WNK1: variants seen among roughly 807,000 people sequenced by gnomAD.
WNK1 encodes serine/threonine-protein kinase WNK1.
WNK1 carries 38 observed loss-of-function variants against 222.8 expected under a neutral mutation model. That is an observed-to-expected ratio of 0.17 (90% CI 0.13 to 0.22). WNK1 has a LOEUF of 0.22. Ranked by LOEUF, WNK1 falls within the 10% of genes least tolerant of loss-of-function variation. The pLI, the probability that WNK1 is intolerant of heterozygous loss-of-function variation, is 1.00. For missense variants in WNK1, 2,348 were observed against 2,918.4 expected (o/e 0.80, Z 4.50); for synonymous variants, 1,090 against 1,092.9 (o/e 1.00, Z 0.05).
intron 23 of WNK1, 124 bp downstream of exon 23, chr12:894,759 T>C (rs1160943812): frequency 1.2e-6 from 1 of 827,252 alleles, no homozygotes; most frequent in Non-Finnish European, 2.0e-6. Flanking sequence ...CATAGTACTT[T>C]ATAGCTCTTT....
chr12:879,877 C>T lies in WNK1; in HGVS notation c.2678C>T (p.Pro893Leu), dbSNP rs762367651. 9 of 1,614,020 alleles carry T rather than the reference C, an allele frequency of 5.6e-6. No individual in the cohort carries two copies. In the Admixed American group the frequency reaches 6.7e-5, roughly 12 times the overall value. Residue 893 changes from proline to leucine, a missense_variant, in exon 11 of 28, where the codon CCT (proline) becomes CTT (leucine). Transcript: ENST00000315939. ...ATCCCGGGGGTATCAACTGTGGTTCCTAGTCAGCTTCCAACCCTTCTGCAG... is the reference window on the plus strand; with the variant it reads ...ATCCCGGGGGTATCAACTGTGGTTCTTAGTCAGCTTCCAACCCTTCTGCAG... ...AAIPGVSTVV[P>L]SQLPTLLQPV...
intron 9 of WNK1, chr12:877,905 G>T: frequency 5.1e-6 from 2 of 395,044 alleles, no homozygotes; most frequent in Admixed American, 7.5e-5. Flanking sequence ...GAAAGGAACT[G>T]TCTGGATATG....
rs117399790 is a variant in WNK1, at chr12:818,601, A to G, written c.932+4787A>G. The stretch of plus-strand genomic sequence containing the variant: ...TTTCTAGAATGCTTTTCATGTCACA[A>G]ACTCTATGCCCGTGGAACAATTTCC... On this transcript the variant is annotated intron_variant, in intron 2 of 27. Transcript: ENST00000315939. 9.5e-3 allele frequency among the ~76,000 whole-genome samples: 1,441 copies of G among 152,334 alleles called. 10 individuals are homozygous for G. The highest frequency in any genetic ancestry group is 0.016 in the Non-Finnish European group (1,085 of 68,034).
chr12:778,028 T>C (rs1164532150), intron 1 of WNK1, among the ~76,000 whole-genome samples: 1 of 152,238 alleles, frequency 6.6e-6, no homozygotes, highest in East Asian at 1.9e-4. Flanking sequence ...AATCTATAAG[T>C]AGTAGCTGAG....
Position 878,226 on chromosome 12 carries a change from G to A in WNK1, c.2238G>A (p.Gln746=), listed in dbSNP as rs886831236. The A allele has an allele frequency of 4.3e-6, 7 of 1,613,994 alleles. No individual in the cohort carries two copies. In the African/African-American group the frequency reaches 9.3e-5, roughly 22 times the overall value. The stretch of plus-strand genomic sequence containing the variant: ...TTTATTCTTAGCAGCAGGGAATACA[G>A]CAGACAGCCCCTCCTCAACAGACAG... ...IQHPQQQQGI[Q]QTAPPQQTVQ... Residue 746 remains glutamine, a synonymous_variant, in exon 10 of 28, where the codon CAG becomes CAA. Coordinates refer to ENST00000315939, the MANE Select transcript of WNK1 (RefSeq NM_018979.4).
intron 4 of WNK1, among the ~76,000 whole-genome samples, chr12:846,203 G>A (rs1396872649): frequency 1.3e-5 from 2 of 152,166 alleles, no homozygotes; most frequent in Non-Finnish European, 2.9e-5. Context: ...TGAGCTCTGA[G>A]TAAAGGTTCA....
intron 2 of WNK1, among the ~76,000 whole-genome samples, chr12:819,146 T>C (rs748177314): frequency 5.9e-5 from 9 of 152,338 alleles, no homozygotes; most frequent in Middle Eastern, 3.4e-3. Context: ...TTGTGTATCT[T>C]TGGAGAAATG....
chr12:866,571 A>G (rs1951686552), intron 8 of WNK1, among the ~76,000 whole-genome samples: 1 of 152,096 alleles, frequency 6.6e-6, no homozygotes, highest in Non-Finnish European at 1.5e-5. Context: ...ATGTTTGGCC[A>G]GGATGGTCTT....
In WNK1 at chr12:907,024, T is replaced by TAAAAAAAAAAAAAAAAAAAAAAAA. The variant is rs67823034; in HGVS notation, c.6644-809_6644-808insAAAAAAAAAAAAAAAAAAAAAAAA. On this transcript the variant is annotated intron_variant, in intron 26 of 27. Coordinates refer to ENST00000315939, the MANE Select transcript of WNK1 (RefSeq NM_018979.4). ...ACAGAAAAAGAAGAGACCCTTCCTT[T>TAAAAAAAAAAAAAAAAAAAAAAAA]AAAAAAAAAAAAAAGCCGGGCGTGG... Among the ~76,000 whole-genome samples, 4 of 47,430 alleles carry TAAAAAAAAAAAAAAAAAAAAAAAA rather than the reference T, an allele frequency of 8.4e-5. 1 individual carries two copies. The highest frequency in any genetic ancestry group is 6.9e-5 in the Non-Finnish European group (2 of 28,882). The allele number at this position is 47,430 out of a possible 152,430, so 31.1% of individuals were successfully genotyped here.
chr12:828,231 G>A (rs1054669815), intron 3 of WNK1, among the ~76,000 whole-genome samples: 3 of 151,930 alleles, frequency 2.0e-5, no homozygotes, highest in Non-Finnish European at 4.4e-5. Flanking sequence ...ACTTGAACCC[G>A]GGAGGTGGAG....
In WNK1 at chr12:825,391, G is replaced by A. The variant is rs139632628; in HGVS notation, c.933-1651G>A. On this transcript the variant is annotated intron_variant, in intron 2 of 27. Coordinates refer to ENST00000315939, the MANE Select transcript of WNK1 (RefSeq NM_018979.4). ...TAGTTGCCCTGAAGATTACATTTACGTTGTTACTTTTCACAATTTATTTAG... is the reference window on the plus strand; with the variant it reads ...TAGTTGCCCTGAAGATTACATTTACATTGTTACTTTTCACAATTTATTTAG... Among the ~76,000 whole-genome samples the A allele has an allele frequency of 1.1e-4, 17 of 152,136 alleles. 1 individual carries two copies. The highest frequency in any genetic ancestry group is 3.1e-4 in the African/African-American group (13 of 41,494).
intron 4 of WNK1, 102 bp from the exon 5 acceptor site, chr12:857,059 G>T: frequency 8.1e-7 from 1 of 1,233,876 alleles, no homozygotes; most frequent in East Asian, 2.5e-5. Flanking sequence ...AAAAAAAGCC[G>T]GGATAGTAAG....
Position 885,763 on chromosome 12 carries a change from G to A in WNK1, c.4959G>A (p.Lys1653=). Residue 1653 remains lysine (K), a synonymous_variant, in exon 19 of 28, where the codon AAG becomes AAA. Coordinates refer to ENST00000315939, the MANE Select transcript of WNK1 (RefSeq NM_018979.4). ...AAGCTCCTGGAATTGATGACATAAA[G>A]ACTCTAGAAGAAAAGCTGCGGTCTC... The part of the protein sequence containing the change: ...QPKAPGIDDI[K]TLEEKLRSLF... 1 of 1,614,152 alleles carries A rather than the reference G, an allele frequency of 6.2e-7. No homozygotes were observed. The highest frequency in any genetic ancestry group is 8.5e-7 in the Non-Finnish European group (1 of 1,180,038).
intron 14 of WNK1, 84 bp downstream of exon 14, chr12:882,157 A>C: frequency 7.2e-7 from 1 of 1,397,258 alleles, no homozygotes; most frequent in Non-Finnish European, 9.9e-7. Context: ...AATCCAAACC[A>C]CTCACTTCAT....
intron 1 of WNK1, among the ~76,000 whole-genome samples, chr12:782,391 A>G (rs887929161): frequency 1.3e-5 from 2 of 152,152 alleles, no homozygotes; most frequent in Admixed American, 6.5e-5. Flanking sequence ...AGATGAGAAA[A>G]CCAAGGGAAC....
chr12:891,006 A>G (rs1040526438), intron 22 of WNK1, among the ~76,000 whole-genome samples: 2 of 152,258 alleles, frequency 1.3e-5, no homozygotes, highest in African/African-American at 4.8e-5. Context: ...AGAAATGGAA[A>G]AATGAAAGGG....
intron 1 of WNK1, among the ~76,000 whole-genome samples, chr12:801,672 T>C (rs1393653486): frequency 6.6e-6 from 1 of 151,842 alleles, no homozygotes; most frequent in Non-Finnish European, 1.5e-5. Context: ...CCTCCCAAAG[T>C]GCTGGGATTA....
intron 8 of WNK1, among the ~76,000 whole-genome samples, chr12:865,906 A>G (rs1366830649): frequency 6.6e-6 from 1 of 152,146 alleles, no homozygotes; most frequent in Non-Finnish European, 1.5e-5. Context: ...GAACTACATA[A>G]TGTTCCCCCA....
intron 1 of WNK1, among the ~76,000 whole-genome samples, chr12:757,286 CTT>C (rs1334151214): frequency 8.3e-6 from 1 of 120,572 alleles, no homozygotes; most frequent in Admixed American, 8.6e-5. Context: ...ATGCATTGCT[CTT>C]TAGTAAAACA....
Sources: gnomAD v4.1 joint callset for allele counts (sites outside exome capture counted in the v4.1 genomes callset) on GRCh38, gnomAD v4.1.1 for gene constraint, MANE v1.5 for transcripts, NCBI Gene and HGNC (gene_info 2026-07-23, HGNC 2026-07-21) for gene names.